The following CEP112 variants were observed in gnomAD, a reference collection of about 807,000 sequenced individuals.
CEP112 encodes the protein centrosomal protein 112, also known as centrosomal protein of 112 kDa.
CEP112 carries 127 observed loss-of-function variants against 153.0 expected under a neutral mutation model. The ratio of observed to expected loss-of-function variants is 0.83; its 90% confidence interval spans 0.72 to 0.96. The LOEUF is 0.96. Among genes scored for constraint, CEP112 ranks in the 40% least tolerant of loss-of-function variants. The probability of loss-of-function intolerance (pLI) is 0.00; values close to 1 mark genes in which losing one functional copy is unlikely to be tolerated. For synonymous variants in CEP112, 358 were observed against 374.4 expected (o/e 0.96, Z 0.51); for missense variants, 1,089 against 1,101.2 (o/e 0.99, Z 0.16).
At chr17:66,087,010 AG>A (rs2067965627) in intron 8 of CEP112, among the ~76,000 whole-genome samples, 2 of 152,226 alleles carry the variant, frequency 1.3e-5, no homozygotes, top group African/African-American at 2.4e-5. Flanking sequence ...AAAATAAGTC[AG>A]AAATGACTGT....
chr17:65,923,715 A>C (rs1224489884), intron 19 of CEP112, among the ~76,000 whole-genome samples: 1 of 152,190 alleles, frequency 6.6e-6, no homozygotes, highest in African/African-American at 2.4e-5. Flanking sequence ...GTCTCAGTTC[A>C]TCATAACCCT....
At chr17:65,923,395 A>G (rs567491713) in intron 19 of CEP112, among the ~76,000 whole-genome samples, 12 of 152,168 alleles carry the variant, frequency 7.9e-5, no homozygotes, top group South Asian at 4.1e-4. Context: ...AGAATATAAT[A>G]TAGACCAGGC....
chr17:66,029,403 A>AT (rs1443387824), intron 13 of CEP112, 151 bp from the exon 14 acceptor site: 1 of 723,540 alleles, frequency 1.4e-6, no homozygotes, highest in African/African-American at 1.8e-5. Flanking sequence ...CATTCTGCTT[A>AT]TGTTAAAAAC....
chr17:65,973,494 T>C (rs529944347), intron 17 of CEP112, among the ~76,000 whole-genome samples: 8 of 152,328 alleles, frequency 5.3e-5, no homozygotes, highest in South Asian at 2.1e-4. Flanking sequence ...AATAAGGACA[T>C]GAAAACCTTT....
At chr17:65,873,263 G>A (rs1417784215) in intron 20 of CEP112, 1 of 152,136 alleles carries the variant, frequency 6.6e-6, no homozygotes, top group Non-Finnish European at 1.5e-5. Flanking sequence ...CTCTGATCTG[G>A]ATTTCTTACC....
chr17:65,902,092 TA>T, intron 20 of CEP112, 59 bp downstream of exon 20: 1 of 1,280,046 alleles, frequency 7.8e-7, no homozygotes, highest in Non-Finnish European at 1.1e-6. Context: ...AAGAAAACAT[TA>T]AACGCTGATG....
At chr17:65,668,079 T>A (rs767260843) in intron 24 of CEP112, among the ~76,000 whole-genome samples, 3 of 152,022 alleles carry the variant, frequency 2.0e-5, no homozygotes, top group African/African-American at 4.8e-5. Flanking sequence ...GTATTTTTAG[T>A]AGAGATGGTT....
At chr17:65,869,477 C>G (rs2058580797) in intron 20 of CEP112, among the ~76,000 whole-genome samples, 1 of 152,030 alleles carries the variant, frequency 6.6e-6, no homozygotes, top group Non-Finnish European at 1.5e-5. Flanking sequence ...GAATTCTATA[C>G]ACAAGACTAA....
chr17:66,024,833 G>C (rs1393797794), intron 16 of CEP112, among the ~76,000 whole-genome samples: 2 of 151,980 alleles, frequency 1.3e-5, no homozygotes, highest in African/African-American at 2.4e-5. Context: ...AGCCAGAAGA[G>C]CCAAAGCAGT....
At chr17:65,871,361 G>A (rs988121791) in intron 20 of CEP112, among the ~76,000 whole-genome samples, 1 of 152,068 alleles carries the variant, frequency 6.6e-6, no homozygotes, top group Admixed American at 6.5e-5. Flanking sequence ...CATGCAGGCC[G>A]GGCACTGTGC....
At chr17:65,719,002 T>A (rs1403596127) in intron 23 of CEP112, among the ~76,000 whole-genome samples, 3 of 152,166 alleles carry the variant, frequency 2.0e-5, no homozygotes, top group Non-Finnish European at 4.4e-5. Flanking sequence ...AAATCGAGGA[T>A]GTGGGGATAC....
chr17:65,667,558 TACAC>T (rs71361241), intron 24 of CEP112, among the ~76,000 whole-genome samples: 303 of 149,246 alleles, frequency 2.0e-3, no homozygotes, highest in South Asian at 4.3e-3. Flanking sequence ...TTTGTACTCT[TACAC>T]ACACACACAC....
At chr17:65,774,149 C>T (rs1313713684) in intron 21 of CEP112, among the ~76,000 whole-genome samples, 1 of 151,352 alleles carries the variant, frequency 6.6e-6, no homozygotes, top group Non-Finnish European at 1.5e-5. Context: ...GGATCCAGGG[C>T]GGGGAATAAG....
At chr17:66,157,176 T>G (rs2071481439) in intron 4 of CEP112, among the ~76,000 whole-genome samples, 1 of 152,160 alleles carries the variant, frequency 6.6e-6, no homozygotes, top group Non-Finnish European at 1.5e-5. Context: ...TAACATCGGA[T>G]CTCTTGGCAG....
In CEP112 at chr17:65,721,232, G is replaced by A. The variant is rs191373542; in HGVS notation, c.2607+21836C>T. 3.5e-4 allele frequency among the ~76,000 whole-genome samples: 53 copies of A among 152,122 alleles called. 1 individual carries two copies. Among genetic ancestry groups the A allele is most frequent in the Admixed American group, 3.0e-3 (46 of 15,278 alleles). On this transcript the variant is annotated intron_variant, in intron 23 of 26. Coordinates refer to ENST00000535342, the MANE Select transcript of CEP112 (RefSeq NM_001199165.4). ...TCACCGTGTTAACCAGGATGGTCTCGATCTCCTGATCTTGTGATCTGCCCG... is the reference window on the plus strand; with the variant it reads ...TCACCGTGTTAACCAGGATGGTCTCAATCTCCTGATCTTGTGATCTGCCCG...
chr17:65,874,053 T>G (rs762201869), intron 20 of CEP112, among the ~76,000 whole-genome samples: 2 of 152,208 alleles, frequency 1.3e-5, no homozygotes, highest in Non-Finnish European at 2.9e-5. Flanking sequence ...CCATTATATG[T>G]ATGCATATGT....
At chr17:65,893,390 C>A (rs1469328839) in intron 20 of CEP112, among the ~76,000 whole-genome samples, 1 of 152,044 alleles carries the variant, frequency 6.6e-6, no homozygotes, top group African/African-American at 2.4e-5. Flanking sequence ...CATTTTCAAA[C>A]CCTGGAAGTC....
At chr17:66,166,327 C>A (rs577632457) in intron 4 of CEP112, among the ~76,000 whole-genome samples, 20 of 152,224 alleles carry the variant, frequency 1.3e-4, no homozygotes, top group African/African-American at 4.6e-4. Context: ...TCCTCTTCAC[C>A]CTACCCTAAC....
At chr17:66,176,179 T>A (rs1782517899) in intron 3 of CEP112, among the ~76,000 whole-genome samples, 1 of 152,136 alleles carries the variant, frequency 6.6e-6, no homozygotes, top group African/African-American at 2.4e-5. Context: ...ATTAAAAAAA[T>A]ACATATATAT....
Sources: gnomAD v4.1 joint callset for allele counts (sites outside exome capture counted in the v4.1 genomes callset) on GRCh38, gnomAD v4.1.1 for gene constraint, MANE v1.5 for transcripts, NCBI Gene and HGNC (gene_info 2026-07-23, HGNC 2026-07-21) for gene names.